ZDHHC20: variants seen among roughly 807,000 people sequenced by gnomAD.
ZDHHC20 encodes the protein palmitoyltransferase ZDHHC20.
A neutral mutation model predicts 57.8 loss-of-function variants in ZDHHC20; 43 were observed. The observed-to-expected ratio is 0.74, with a 90% CI of 0.58 to 0.96. The LOEUF (loss-of-function observed/expected upper bound fraction) is 0.96, where lower values mean the gene tolerates loss of function less well. ZDHHC20 is among the 40% of genes least tolerant of loss of function. ZDHHC20 has a pLI of 0.00. For missense variants in ZDHHC20, 391 were observed against 441.1 expected (o/e 0.89, Z 1.02); for synonymous variants, 157 against 153.0 (o/e 1.03, Z -0.19).
At chr13:21,447,278 C>CTCTCCCTCTCCCTCTCCCTCTCCG (rs1419179111) in intron 1 of ZDHHC20, among the ~76,000 whole-genome samples, 1 of 146,398 alleles carries the variant, frequency 6.8e-6, no homozygotes, top group Non-Finnish European at 1.5e-5. Flanking sequence ...GATGTGAGCG[C>CTCTCCCTCTCCCTCTCCCTCTCCG]TCTCCCTCTC....
intron 9 of ZDHHC20, among the ~76,000 whole-genome samples, chr13:21,384,162 G>A (rs112016774): frequency 0.025 from 3,741 of 151,256 alleles, 143 homozygotes; most frequent in African/African-American, 0.082. Context: ...GAGGTGGGCC[G>A]GGTGCAGTGG....
intron 8 of ZDHHC20, among the ~76,000 whole-genome samples, chr13:21,388,510 A>G (rs576147904): frequency 9.2e-5 from 14 of 152,104 alleles, no homozygotes; most frequent in Non-Finnish European, 1.8e-4. Context: ...GAAACAAGAA[A>G]TGTTTGTATG....
chr13:21,439,857 A>C (rs1882939867), intron 1 of ZDHHC20, among the ~76,000 whole-genome samples: 1 of 152,140 alleles, frequency 6.6e-6, no homozygotes, highest in Non-Finnish European at 1.5e-5. Flanking sequence ...ACCTGAGGTC[A>C]CAAGTTCAAG....
chr13:21,455,145 T>C (rs1884805830), intron 1 of ZDHHC20, among the ~76,000 whole-genome samples: 1 of 152,144 alleles, frequency 6.6e-6, no homozygotes, highest in Admixed American at 6.6e-5. Flanking sequence ...GGTTTCGATC[T>C]CCTGACCTCG....
At position 21,409,572 on chromosome 13, in the gene ZDHHC20, G is replaced by A. The variant is rs538305719; in HGVS notation, c.370+4080C>T. Among the ~76,000 whole-genome samples, 5 of 152,036 alleles carry A rather than the reference G, an allele frequency of 3.3e-5. No homozygotes were observed. The South Asian group carries it at 1.0e-3, about 32-fold the overall frequency. ...TAAAAGAGTCCCATATTTCTTGGAGGCTCTGTTCGTTCCTTTTCATTCTTT... is the reference window on the plus strand; with the variant it reads ...TAAAAGAGTCCCATATTTCTTGGAGACTCTGTTCGTTCCTTTTCATTCTTT... On this transcript the variant is annotated intron_variant, in intron 4 of 12. Coordinates refer to ENST00000400590, the MANE Select transcript of ZDHHC20 (RefSeq NM_001330059.2).
intron 3 of ZDHHC20, among the ~76,000 whole-genome samples, chr13:21,414,383 C>T (rs1400191905): frequency 6.7e-6 from 1 of 149,760 alleles, no homozygotes; most frequent in Non-Finnish European, 1.5e-5. Context: ...TTTTTTGAGA[C>T]GGAGTCTTGC....
At chr13:21,429,272 T>A (rs890023580) in intron 1 of ZDHHC20, among the ~76,000 whole-genome samples, 5 of 152,202 alleles carry the variant, frequency 3.3e-5, no homozygotes, top group African/African-American at 1.2e-4. Flanking sequence ...AGAAAGAAGC[T>A]CTATTATTTC....
At chr13:21,385,407 C>T (rs960947520) in intron 9 of ZDHHC20, among the ~76,000 whole-genome samples, 8 of 152,000 alleles carry the variant, frequency 5.3e-5, no homozygotes, top group East Asian at 1.9e-4. Flanking sequence ...CCAGCCTGGG[C>T]GACAGAGCAA....
At chr13:21,426,891 AG>A (rs1354268733) in intron 1 of ZDHHC20, among the ~76,000 whole-genome samples, 3 of 152,120 alleles carry the variant, frequency 2.0e-5, no homozygotes, top group African/African-American at 7.2e-5. Context: ...TACAGGCATG[AG>A]CCACCGCGCC....
chr13:21,399,659 T>A (rs556139861), intron 7 of ZDHHC20, among the ~76,000 whole-genome samples: 3 of 152,128 alleles, frequency 2.0e-5, no homozygotes, highest in Non-Finnish European at 1.5e-5. Flanking sequence ...CTAAGTGCCC[T>A]CCCCAGAGGC....
At chr13:21,401,777 CT>C in intron 5 of ZDHHC20, 92 bp from the exon 6 acceptor site, 1 of 1,150,784 alleles carries the variant, frequency 8.7e-7, no homozygotes, top group Non-Finnish European at 1.2e-6. Flanking sequence ...TTAAAATTCC[CT>C]TTACAACTAC....
At chr13:21,410,999 C>A (rs748922000) in intron 4 of ZDHHC20, among the ~76,000 whole-genome samples, 1 of 152,172 alleles carries the variant, frequency 6.6e-6, no homozygotes, top group Non-Finnish European at 1.5e-5. Context: ...TGTAGGCACC[C>A]GAGGGAATCT....
At chr13:21,425,626 T>G (rs1881161821) in intron 2 of ZDHHC20, 26 bp downstream of exon 2, 1 of 1,197,816 alleles carries the variant, frequency 8.3e-7, no homozygotes, top group Non-Finnish European at 1.1e-6. Context: ...AGCATTTAAC[T>G]TAAATTGAAA....
rs77061890 is a variant in ZDHHC20 at position 21,413,868 on chromosome 13, A to G, written c.250-96T>C. 9,570 of 1,064,098 alleles carry G rather than the reference A, an allele frequency of 9.0e-3. 445 individuals carry two copies. The African/African-American group carries it at 0.12, about 13-fold the overall frequency. 65.9% of individuals were successfully genotyped at this position (1,064,098 alleles called of 1,614,324 possible). On this transcript the variant is annotated intron_variant, in intron 3 of 12. Transcript: ENST00000400590. Reference sequence around the variant, plus strand: ...TTATCTAGAAAAAAGAAAACCAAAAACTATTTTATGAAGACAAAACTTGTC... The same window carrying G: ...TTATCTAGAAAAAAGAAAACCAAAAGCTATTTTATGAAGACAAAACTTGTC...
At chr13:21,418,340 G>A (rs901871135) in intron 3 of ZDHHC20, among the ~76,000 whole-genome samples, 10 of 152,024 alleles carry the variant, frequency 6.6e-5, no homozygotes, top group African/African-American at 2.2e-4. Flanking sequence ...CTTAAGCTCT[G>A]GGCTGAATGC....
At chr13:21,392,409 T>C (rs980120702) in intron 7 of ZDHHC20, among the ~76,000 whole-genome samples, 9 of 152,224 alleles carry the variant, frequency 5.9e-5, no homozygotes, top group African/African-American at 1.9e-4. Flanking sequence ...AAACTAATTG[T>C]GAAATATTTT....
At chr13:21,417,172 T>A (rs1041490962) in intron 3 of ZDHHC20, among the ~76,000 whole-genome samples, 1 of 151,720 alleles carries the variant, frequency 6.6e-6, no homozygotes, top group East Asian at 1.9e-4. Flanking sequence ...CCTCGGAGAT[T>A]TATCTGACTA....
chr13:21,399,694 A>C (rs1288014097), intron 7 of ZDHHC20, among the ~76,000 whole-genome samples: 1 of 152,174 alleles, frequency 6.6e-6, no homozygotes, highest in Non-Finnish European at 1.5e-5. Flanking sequence ...TTTTTACTGC[A>C]TTCTTCCAGA....
At chr13:21,428,580 A>G (rs9580114) in intron 1 of ZDHHC20, among the ~76,000 whole-genome samples, 32,077 of 151,464 alleles carry the variant, frequency 0.21, 3,683 homozygotes, top group Non-Finnish European at 0.25. Flanking sequence ...AACTATTAGG[A>G]CTGGGCGTGG....
Sources: gnomAD v4.1 joint callset for allele counts (sites outside exome capture counted in the v4.1 genomes callset) on GRCh38, gnomAD v4.1.1 for gene constraint, MANE v1.5 for transcripts, NCBI Gene and HGNC (gene_info 2026-07-23, HGNC 2026-07-21) for gene names.